SOS2: variants seen among roughly 807,000 people sequenced by gnomAD.
SOS2 encodes SOS Ras/Rho guanine nucleotide exchange factor 2.
In SOS2, 65 loss-of-function variants were observed where a neutral mutation model predicts 148.2. The ratio of observed to expected loss-of-function variants is 0.44; its 90% CI spans 0.36 to 0.54. SOS2 has a LOEUF of 0.54. Ranked by LOEUF, SOS2 falls within the 20% of genes least tolerant of loss-of-function variation. SOS2 has a pLI of 0.00. For synonymous variants in SOS2, 539 were observed against 537.1 expected (o/e 1.00, Z -0.05); for missense variants, 1,341 against 1,590.2 (o/e 0.84, Z 2.67).
intron 1 of SOS2, among the ~76,000 whole-genome samples, chr14:50,225,414 A>G (rs1887338561): frequency 6.6e-6 from 1 of 152,240 alleles, no homozygotes; most frequent in South Asian, 2.1e-4. Flanking sequence ...CATATAGTTG[A>G]TTTATGTCAA....
rs191864153 is a variant in SOS2 at position 50,150,792 on chromosome 14, G to A, written c.2162-562C>T. 1.7e-4 allele frequency among the ~76,000 whole-genome samples: 26 copies of A among 151,970 alleles called. No homozygotes were observed. The South Asian group carries it at 2.1e-3, about 12-fold the overall frequency. The stretch of plus-strand genomic sequence containing the variant: ...GGCTGGAGAATAATGGCGTGATCTC[G>A]GCTCACTGCAACCTCCACCTCCCGG... On this transcript the variant is annotated intron_variant, in intron 13 of 22. Coordinates refer to ENST00000216373, the MANE Select transcript of SOS2 (RefSeq NM_006939.4).
intron 13 of SOS2, among the ~76,000 whole-genome samples, 187 bp downstream of exon 13, chr14:50,152,883 T>C (rs750186842): frequency 6.6e-6 from 1 of 152,030 alleles, no homozygotes; most frequent in South Asian, 2.1e-4. Context: ...AAGAATCACT[T>C]GAACCTGGGA....
intron 8 of SOS2, among the ~76,000 whole-genome samples, chr14:50,163,586 G>A (rs1885079706): frequency 6.6e-6 from 1 of 152,136 alleles, no homozygotes; most frequent in Non-Finnish European, 1.5e-5. Flanking sequence ...AGAAAGGATG[G>A]AAGCAAAGTC....
At chr14:50,194,128 A>G (rs912599024) in intron 4 of SOS2, among the ~76,000 whole-genome samples, 10 of 152,366 alleles carry the variant, frequency 6.6e-5, no homozygotes, top group African/African-American at 2.4e-4. Flanking sequence ...AACAAGGACC[A>G]GCAAACTACA....
intron 19 of SOS2, 39 bp from the exon 20 acceptor site, chr14:50,130,801 T>C (rs375312318): frequency 5.5e-5 from 86 of 1,556,018 alleles, no homozygotes; most frequent in Middle Eastern, 3.5e-4. Flanking sequence ...CAAATTTGCA[T>C]AGACAACAAT....
chr14:50,201,309 G>A (rs552451405), intron 2 of SOS2, among the ~76,000 whole-genome samples: 1 of 151,974 alleles, frequency 6.6e-6, no homozygotes, highest in Non-Finnish European at 1.5e-5. Flanking sequence ...GAGGCAGGTG[G>A]ATCACTTGAG....
intron 18 of SOS2, among the ~76,000 whole-genome samples, chr14:50,135,389 G>A (rs1884042900): frequency 2.6e-5 from 4 of 151,130 alleles, no homozygotes. Context: ...GAAAATTCAG[G>A]TGATTTAGCA....
chr14:50,153,314 A>G, intron 12 of SOS2, 141 bp from the exon 13 acceptor site: 1 of 472,810 alleles, frequency 2.1e-6, no homozygotes, highest in Non-Finnish European at 3.9e-6. Flanking sequence ...TTTAATTAAT[A>G]CTTTAAATGC....
intron 1 of SOS2, among the ~76,000 whole-genome samples, chr14:50,227,305 T>G (rs1335986978): frequency 1.4e-5 from 2 of 143,834 alleles, no homozygotes; most frequent in African/African-American, 2.6e-5. Context: ...AGTGCAGTGG[T>G]GCGATCTCAG....
At position 50,156,117 on chromosome 14, in the gene SOS2, G is replaced by C. The variant is rs535055692; in HGVS notation, c.2057+882C>G. On this transcript the variant is annotated intron_variant, in intron 12 of 22. Coordinates refer to ENST00000216373, the MANE Select transcript of SOS2 (RefSeq NM_006939.4). ...AGTAATCAAGGAAACTTGAAATTTA[G>C]AGAGAAAAAAAATTTAAATTACATA... The C allele has an allele frequency of 5.3e-5, 8 of 152,096 alleles. No individual in the cohort carries two copies. The South Asian group carries it at 1.2e-3, about 24-fold the overall frequency. The allele number at this position is 152,096 out of a possible 1,614,324, so 9.4% of individuals were successfully genotyped here.
intron 14 of SOS2, among the ~76,000 whole-genome samples, chr14:50,147,023 C>T (rs4592569): frequency 0.86 from 130,120 of 151,122 alleles, 56,131 homozygotes; most frequent in East Asian, 0.92. Context: ...TAATGAGATC[C>T]TATCTCAAAA....
intron 21 of SOS2, 100 bp downstream of exon 21, chr14:50,129,861 T>G: frequency 1.5e-6 from 1 of 683,072 alleles, no homozygotes; most frequent in Non-Finnish European, 2.5e-6. Flanking sequence ...TAACTTTTCT[T>G]GTTCTTTAAT....
chr14:50,122,326 G>A (rs1164172450), intron 21 of SOS2, among the ~76,000 whole-genome samples: 8 of 148,044 alleles, frequency 5.4e-5, no homozygotes, highest in African/African-American at 1.5e-4. Flanking sequence ...GATTTTGAGG[G>A]AAAACAGCTT....
chr14:50,178,691 T>C (rs1376977015), intron 7 of SOS2, among the ~76,000 whole-genome samples: 2 of 29,798 alleles, frequency 6.7e-5, no homozygotes, highest in African/African-American at 1.1e-4. Context: ...TATATATATA[T>C]ATATATATAT....
Position 50,121,525 on chromosome 14 carries a change from TGGGG to T in SOS2, c.3380-1145_3380-1142del, listed in dbSNP as rs199712037. 1.4e-4 allele frequency among the ~76,000 whole-genome samples: 2 copies of T among 14,200 alleles called. 1 individual carries two copies. The highest frequency in any genetic ancestry group is 9.0e-4 in the African/African-American group (2 of 2,212). 9.3% of individuals were successfully genotyped at this position (14,200 alleles called of 152,430 possible). A position where few individuals can be genotyped will look rare whatever the true frequency, so the allele number is the denominator to read the frequency against. On this transcript the variant is annotated intron_variant, in intron 21 of 22. Coordinates refer to ENST00000216373, the MANE Select transcript of SOS2 (RefSeq NM_006939.4). ...ATCATGTGGCTCTGCAGTTACTTCC[TGGGG>T]GAGGGGGGGGAGTCCTGTTGACTCA...
rs71118839 is a variant in SOS2, at chr14:50,122,391, C to CTTTTTTT, written c.3380-2014_3380-2008dup. The stretch of plus-strand genomic sequence containing the variant: ...ATGAAGAGTGAAAAAGAACCCTGGG[C>CTTTTTTT]TTTTTTTTTTTTTTTTTTTTTTGAG... On this transcript the variant is annotated intron_variant, in intron 21 of 22. Transcript: ENST00000216373. 5.1e-4 allele frequency among the ~76,000 whole-genome samples: 45 copies of CTTTTTTT among 88,284 alleles called. 3 individuals carry two copies. Among genetic ancestry groups the CTTTTTTT allele is most frequent in the South Asian group, 1.3e-3 (3 of 2,292 alleles). The allele number at this position is 88,284 out of a possible 152,430, so 57.9% of individuals were successfully genotyped here.
At chr14:50,219,138 C>T (rs1417973905) in intron 1 of SOS2, among the ~76,000 whole-genome samples, 1 of 151,956 alleles carries the variant, frequency 6.6e-6, no homozygotes, top group Non-Finnish European at 1.5e-5. Flanking sequence ...TAAGCATCCA[C>T]CTACTATCCG....
chr14:50,198,482 T>C (rs1197117833), intron 4 of SOS2, among the ~76,000 whole-genome samples: 4 of 152,234 alleles, frequency 2.6e-5, no homozygotes, highest in African/African-American at 9.6e-5. Context: ...TCATTATAAC[T>C]GCACATCAGA....
intron 9 of SOS2, among the ~76,000 whole-genome samples, chr14:50,160,933 C>T (rs1050510865): frequency 5.3e-5 from 8 of 152,144 alleles, no homozygotes; most frequent in Admixed American, 6.6e-5. Flanking sequence ...ACTGCTTGAG[C>T]CCAGGAGGTT....
Sources: allele counts gnomAD v4.1 joint callset (sites outside exome capture counted in the v4.1 genomes callset), GRCh38; gene constraint gnomAD v4.1.1; transcripts MANE v1.5; gene names NCBI Gene and HGNC (gene_info 2026-07-23, HGNC 2026-07-21).